The following RAB3GAP2 variants were observed in gnomAD, a reference collection of about 807,000 sequenced individuals.
RAB3GAP2 encodes the protein RAB3 GTPase activating non-catalytic protein subunit 2, also known as rab3 GTPase-activating protein non-catalytic subunit.
In RAB3GAP2, 87 loss-of-function variants were observed where a neutral mutation model predicts 185.3. The observed-to-expected ratio is 0.47, with a 90% CI of 0.39 to 0.56. The LOEUF is 0.56. Among genes scored for constraint, RAB3GAP2 ranks in the 20% least tolerant of loss-of-function variants. RAB3GAP2 has a pLI of 0.00. For missense variants in RAB3GAP2, 1,492 were observed against 1,638.2 expected (o/e 0.91, Z 1.54); for synonymous variants, 554 against 576.1 (o/e 0.96, Z 0.55).
chr1:220,188,819 A>T (rs1658554287), intron 17 of RAB3GAP2, among the ~76,000 whole-genome samples: 1 of 152,232 alleles, frequency 6.6e-6, no homozygotes, highest in Non-Finnish European at 1.5e-5. Context: ...AATAAATTCT[A>T]GTCAGTGAGC....
intron 17 of RAB3GAP2, among the ~76,000 whole-genome samples, chr1:220,189,485 C>T (rs1408828953): frequency 6.7e-6 from 1 of 150,308 alleles, no homozygotes; most frequent in Non-Finnish European, 1.5e-5. Flanking sequence ...TCCCAAAGTG[C>T]TAGGATTACA....
intron 1 of RAB3GAP2, among the ~76,000 whole-genome samples, chr1:220,242,473 T>C (rs1427474624): frequency 1.3e-5 from 2 of 150,756 alleles, no homozygotes; most frequent in Admixed American, 1.3e-4. Context: ...AAAAAAAAAC[T>C]GGAAACTAGG....
chr1:220,184,293 T>A, intron 18 of RAB3GAP2, 130 bp from the exon 19 acceptor site: 2 of 798,864 alleles, frequency 2.5e-6, no homozygotes, highest in Non-Finnish European at 3.9e-6. Flanking sequence ...CTGAGATGCT[T>A]AAGCTATACC....
rs35396665 is a variant in RAB3GAP2, at chr1:220,196,403, TA to T, written c.812-6del. 0.29 allele frequency: 359,429 copies of T among 1,241,496 alleles called. 21,623 individuals carry two copies. The highest frequency in any genetic ancestry group is 0.39 in the Admixed American group (19,559 of 50,396). The allele number at this position is 1,241,496 out of a possible 1,614,324, so 76.9% of individuals were successfully genotyped here. ...AGGGGGACAGAGTCATAATACCTAATAAAAAAAAAAAAGTGATTTGAATGTA... is the reference window on the plus strand; with the variant it reads ...AGGGGGACAGAGTCATAATACCTAATAAAAAAAAAAAGTGATTTGAATGTA... On this transcript the variant is annotated splice_polypyrimidine_tract_variant and splice_region_variant and intron_variant, in intron 9 of 34. Coordinates refer to ENST00000358951, the MANE Select transcript of RAB3GAP2 (RefSeq NM_012414.4).
chr1:220,234,708 A>G lies in RAB3GAP2; in HGVS notation c.116-1845T>C, dbSNP rs531309500. Among the ~76,000 whole-genome samples, 8 of 152,286 alleles carry G rather than the reference A, an allele frequency of 5.3e-5. No homozygotes were observed. In the East Asian group the frequency reaches 1.2e-3, roughly 22 times the overall value. The stretch of plus-strand genomic sequence containing the variant: ...AGAAGGCAGACAAACATGGAACCAT[A>G]ATATATGGTGAGTGCAGTAATGGAC... On this transcript the variant is annotated intron_variant, in intron 1 of 34. Transcript: ENST00000358951.
At chr1:220,232,664 A>T in intron 2 of RAB3GAP2, 135 bp downstream of exon 2, 1 of 779,812 alleles carries the variant, frequency 1.3e-6, no homozygotes. Flanking sequence ...GTATCTAGTT[A>T]AGTACTAATA....
intron 27 of RAB3GAP2, among the ~76,000 whole-genome samples, chr1:220,164,056 T>C (rs572177339): frequency 6.6e-6 from 1 of 152,296 alleles, no homozygotes; most frequent in South Asian, 2.1e-4. Flanking sequence ...AAATGGAATC[T>C]GTTTACAAGT....
At chr1:220,265,298 G>A (rs1400831648) in intron 1 of RAB3GAP2, among the ~76,000 whole-genome samples, 2 of 151,958 alleles carry the variant, frequency 1.3e-5, no homozygotes, top group Non-Finnish European at 2.9e-5. Context: ...AACATGAATT[G>A]ATTATTTCAA....
chr1:220,238,509 G>C (rs962386580), intron 1 of RAB3GAP2, among the ~76,000 whole-genome samples: 9 of 152,160 alleles, frequency 5.9e-5, no homozygotes, highest in African/African-American at 2.2e-4. Flanking sequence ...AGCAAAAATG[G>C]AGTTAAAAAC....
intron 1 of RAB3GAP2, among the ~76,000 whole-genome samples, chr1:220,240,726 T>C (rs1208974394): frequency 1.3e-5 from 2 of 152,258 alleles, no homozygotes; most frequent in African/African-American, 2.4e-5. Context: ...AGCAACTGCA[T>C]CCTCATTGAT....
chr1:220,157,188 C>T lies in RAB3GAP2; in HGVS notation c.3555+82G>A. On this transcript the variant is annotated intron_variant, in intron 31 of 34. Transcript: ENST00000358951. ...TTATACCAGTCACAAAAGTACTGGA[C>T]AGCTTCTATTAAATATGAAAATCCA... The T allele has an allele frequency of 4.1e-6, 5 of 1,206,832 alleles. No homozygotes were observed. The South Asian group carries it at 6.5e-5, about 16-fold the overall frequency. The allele number at this position is 1,206,832 out of a possible 1,614,324, so 74.8% of individuals were successfully genotyped here.
At chr1:220,171,776 CCT>C in intron 23 of RAB3GAP2, 111 bp downstream of exon 23, 1 of 1,150,264 alleles carries the variant, frequency 8.7e-7, no homozygotes. Context: ...AAGGGGAGCA[CCT>C]CTCATCCCTC....
chr1:220,210,233 G>A, intron 7 of RAB3GAP2, 155 bp downstream of exon 7: 1 of 722,646 alleles, frequency 1.4e-6, no homozygotes, highest in Admixed American at 1.9e-5. Flanking sequence ...TCTTTACTCA[G>A]CTACAAATAG....
At chr1:220,157,592 C>CACTGTCCCAA in intron 30 of RAB3GAP2, 104 bp from the exon 31 acceptor site, 1 of 1,180,150 alleles carries the variant, frequency 8.5e-7, no homozygotes, top group East Asian at 2.4e-5. Flanking sequence ...TCATATTGCA[C>CACTGTCCCAA]ACTGTCCCAA....
Position 220,171,086 on chromosome 1 carries a change from G to T in RAB3GAP2, c.2612C>A (p.Ala871Asp). 1 of 1,614,092 alleles carries T rather than the reference G, an allele frequency of 6.2e-7. No homozygotes were observed. Among genetic ancestry groups the T allele is most frequent in the South Asian group, 1.1e-5 (1 of 91,068 alleles). The change falls in exon 24 of 35, where the codon GCC (alanine) becomes GAC (aspartate). Residue 871 changes from alanine (A) to aspartate (D), a missense_variant. Around this residue, in one of 5 missense-constraint regions of RAB3GAP2, gnomAD observed 681 missense variants for 689.1 expected, o/e 0.99. Coordinates refer to ENST00000358951, the MANE Select transcript of RAB3GAP2 (RefSeq NM_012414.4). ...AAGTGCCTCCCAGGAATCAGTGAGG[G>T]CCTCTGAATCAGCACCCAAAACTGT... ...SQTVLGADSE[A>D]LTDSWEALSL...
intron 31 of RAB3GAP2, among the ~76,000 whole-genome samples, chr1:220,154,614 T>C (rs1657823411): frequency 6.6e-6 from 1 of 152,074 alleles, no homozygotes; most frequent in Admixed American, 6.6e-5. Flanking sequence ...CACAGATTAC[T>C]GACCCACAAC....
chr1:220,203,065 C>T (rs1043424625), intron 8 of RAB3GAP2, among the ~76,000 whole-genome samples: 3 of 152,232 alleles, frequency 2.0e-5, no homozygotes, highest in African/African-American at 7.2e-5. Flanking sequence ...CAGTGCTTTA[C>T]TGATAGAAAA....
chr1:220,272,185 G>C, intron 1 of RAB3GAP2, 38 bp downstream of exon 1: 1 of 1,529,140 alleles, frequency 6.5e-7, no homozygotes, highest in Non-Finnish European at 8.9e-7. Context: ...GGCCGCGGGT[G>C]ACGAGGGAAG....
rs1658608277 is a variant in RAB3GAP2, at chr1:220,191,054, C to T, written c.1487+14G>A. ...CATTTTGTAACCAGCACAATGCCAG[C>T]ATTTGCAGCTTACCTGCAGTGCTTC... is the stretch of plus-strand genomic sequence containing the variant. On this transcript the variant is annotated intron_variant, in intron 14 of 34. Transcript: ENST00000358951. 3 of 1,601,928 alleles carry T rather than the reference C, an allele frequency of 1.9e-6. No homozygotes were observed. The Admixed American group carries it at 5.0e-5, about 27-fold the overall frequency.
Sources: allele counts gnomAD v4.1 joint callset (sites outside exome capture counted in the v4.1 genomes callset), GRCh38; gene constraint gnomAD v4.1.1; regional missense constraint gnomAD v4.1.1; transcripts MANE v1.5; gene names NCBI Gene and HGNC (gene_info 2026-07-23, HGNC 2026-07-21).